The following UGT2B11 variants were observed in gnomAD, a reference collection of about 807,000 sequenced individuals.
The protein encoded by UGT2B11 is UDP glucuronosyltransferase family 2 member B11, also known as UDP-glucuronosyltransferase 2B11.
Under a neutral mutation model 51.7 loss-of-function variants are expected in UGT2B11, and 49 were observed. That is an observed-to-expected ratio of 0.95 (90% confidence interval 0.75 to 1.20). The LOEUF (loss-of-function observed/expected upper bound fraction) is 1.20, where lower values mean the gene tolerates loss of function less well. UGT2B11 is among the 50% of genes most tolerant of loss of function. UGT2B11 has a pLI of 0.00. For missense variants in UGT2B11, 810 were observed against 622.1 expected, an observed-to-expected ratio of 1.30 and a Z score of -3.21; for synonymous variants, 273 against 209.0, an observed-to-expected ratio of 1.31 and a Z score of -2.64.
intron 1 of UGT2B11, among the ~76,000 whole-genome samples, chr4:69,213,658 T>A (rs1351765215): frequency 6.6e-6 from 1 of 151,884 alleles, no homozygotes; most frequent in Non-Finnish European, 1.5e-5. Flanking sequence ...ATTCTATATC[T>A]ATGCATTCAG....
chr4:69,208,267 C>A, intron 3 of UGT2B11, 84 bp downstream of exon 3: 1 of 1,587,088 alleles, frequency 6.3e-7, no homozygotes, highest in Non-Finnish European at 8.5e-7. Flanking sequence ...GTTCACTCTA[C>A]TCTTAATATT....
At chr4:69,203,427 A>G (rs1721733211) in intron 5 of UGT2B11, among the ~76,000 whole-genome samples, 2 of 151,764 alleles carry the variant, frequency 1.3e-5, no homozygotes, top group Non-Finnish European at 2.9e-5. Context: ...TGCAACAAGT[A>G]CTTTGGAAAA....
chr4:69,217,140 C>A (rs1387159020), upstream of UGT2B11, among the ~76,000 whole-genome samples: 1 of 152,014 alleles, frequency 6.6e-6, no homozygotes, highest in Non-Finnish European at 1.5e-5. Flanking sequence ...TGAATATTTG[C>A]AGCATTCCTT....
rs770165802 is a variant in UGT2B11, at chr4:69,208,488, A to G, written c.871-6T>C. ...TGTACAAACTCCTCCATTTCCTGTGAAAAAAAAATTGTTTCATCACAAAAG... is the reference window on the plus strand; with the variant it reads ...TGTACAAACTCCTCCATTTCCTGTGGAAAAAAAATTGTTTCATCACAAAAG... On this transcript the variant is annotated splice_polypyrimidine_tract_variant and splice_region_variant and intron_variant, in intron 2 of 5. Coordinates refer to ENST00000446444, the MANE Select transcript of UGT2B11 (RefSeq NM_001073.3). 1.4e-5 allele frequency: 22 copies of G among 1,596,010 alleles called. No homozygotes were observed. Among genetic ancestry groups the G allele is most frequent in the South Asian group, 6.7e-5 (6 of 89,430 alleles).
chr4:69,209,439 G>T (rs1248312249), intron 2 of UGT2B11, among the ~76,000 whole-genome samples: 5 of 151,632 alleles, frequency 3.3e-5, no homozygotes, highest in African/African-American at 1.2e-4. Flanking sequence ...TACACTGCTG[G>T]TGAAGATGTG....
In UGT2B11 at chr4:69,200,319, T is replaced by A; in HGVS notation, c.*121A>T. The A allele has an allele frequency of 8.9e-7, 1 of 1,126,822 alleles. No homozygotes were observed. The highest frequency in any genetic ancestry group is 1.1e-6 in the Non-Finnish European group (1 of 901,192). The allele number at this position is 1,126,822 out of a possible 1,614,324, so 69.8% of individuals were successfully genotyped here. On this transcript the variant is annotated 3_prime_UTR_variant, in exon 6 of 6. Transcript: ENST00000446444. ...GACAAGGTAGATTTGAAAATTTTTT[T>A]TTTTTTTTTTTTTTTGTCACAGGAA...
chr4:69,219,843 G>A, the UGT2B11 span, among the ~76,000 whole-genome samples: 1 of 152,088 alleles, frequency 6.6e-6, no homozygotes, highest in Non-Finnish European at 1.5e-5. Context: ...TTCGGTGAGG[G>A]AACAGCCAAA....
chr4:69,214,373 C>T lies in UGT2B11; in HGVS notation c.350G>A (p.Trp117Ter), dbSNP rs1407936311. The change falls in exon 1 of 6, where the codon TGG becomes TAG. Residue 117 changes from tryptophan (W) to a stop codon, truncating the protein, a stop_gained. Transcript: ENST00000446444. LOFTEE classifies it high-confidence loss of function. Reference sequence around the variant, plus strand: ...GTTTCTAAATATGTCATATAATTCCCACAGGATTTCTTGTTCTTGTGAAAA... The same window carrying T: ...GTTTCTAAATATGTCATATAATTCCTACAGGATTTCTTGTTCTTGTGAAAA... ...LYFSQEQEIL[W>*]ELYDIFRNFC... 6.2e-7 allele frequency: 1 copy of T among 1,612,486 alleles called. No homozygotes were observed. The highest frequency in any genetic ancestry group is 1.3e-5 in the African/African-American group (1 of 74,728).
upstream of UGT2B11, among the ~76,000 whole-genome samples, chr4:69,219,271 C>T (rs1180202420): frequency 2.0e-5 from 3 of 152,010 alleles, no homozygotes; most frequent in African/African-American, 7.2e-5. Context: ...GATGTCCCTG[C>T]CCCATTTTTT....
the UGT2B11 span, among the ~76,000 whole-genome samples, chr4:69,220,302 C>T: frequency 1.8e-4 from 27 of 152,112 alleles, no homozygotes; most frequent in African/African-American, 2.9e-4. Flanking sequence ...CTCTTGGCTG[C>T]TTTCATGGGC....
chr4:69,203,193 T>G (rs1721722880), intron 5 of UGT2B11, among the ~76,000 whole-genome samples: 1 of 151,656 alleles, frequency 6.6e-6, no homozygotes, highest in Non-Finnish European at 1.5e-5. Context: ...GTTAAAAATG[T>G]TCCAAGCATT....
intron 3 of UGT2B11, among the ~76,000 whole-genome samples, chr4:69,206,133 C>T (rs1721846823): frequency 1.3e-5 from 2 of 151,102 alleles, no homozygotes; most frequent in Non-Finnish European, 1.5e-5. Context: ...GGTATATAAG[C>T]AAAGGACTAT....
Position 69,208,293 on chromosome 4 carries a change from A to G in UGT2B11, c.1002+58T>C. 4 of 1,600,842 alleles carry G rather than the reference A, an allele frequency of 2.5e-6. No homozygotes were observed. The South Asian group carries it at 3.3e-5, about 13-fold the overall frequency. ...TCTTAATATTCTTTCTATGTAGATC[A>G]CAAACATTAACAGCCTCTTTCAGCA... On this transcript the variant is annotated intron_variant, in intron 3 of 5. Transcript: ENST00000446444.
the UGT2B11 span, among the ~76,000 whole-genome samples, chr4:69,223,380 G>T: frequency 2.0e-5 from 3 of 152,178 alleles, no homozygotes; most frequent in African/African-American, 7.2e-5. Context: ...AGGCCCAGAT[G>T]TGCTCAAAGC....
Position 69,208,367 on chromosome 4 carries a change from G to T in UGT2B11, c.986C>A (p.Ala329Asp), listed in dbSNP as rs763832206. 1.9e-6 allele frequency: 3 copies of T among 1,610,838 alleles called. No individual in the cohort carries two copies. The highest frequency in any genetic ancestry group is 1.7e-4 in the Middle Eastern group (1 of 5,984). The change falls in exon 3 of 6, where the codon GCC becomes GAC. Residue 329 changes from alanine (A) to aspartate (D), a missense_variant. Ala to Asp is a moderately radical substitution (Grantham distance 126). Transcript: ENST00000446444. Reference sequence around the variant, plus strand: ...TTATCTTACCTTTTGTGGGATCTTGGCAAGGGCTGTTGCAATTACATTGGC... The same window carrying T: ...TTATCTTACCTTTTGTGGGATCTTGTCAAGGGCTGTTGCAATTACATTGGC... ...ERANVIATAL[A>D]KIPQKVLWRF...
intron 1 of UGT2B11, 72 bp downstream of exon 1, chr4:69,213,930 G>A: frequency 2.0e-6 from 3 of 1,476,254 alleles, no homozygotes; most frequent in South Asian, 3.1e-5. Flanking sequence ...TGACTTTATG[G>A]CTTTATAAAA....
chr4:69,218,882 TG>T (rs775299180), upstream of UGT2B11, among the ~76,000 whole-genome samples: 106 of 152,260 alleles, frequency 7.0e-4, no homozygotes, highest in Non-Finnish European at 1.4e-3. Context: ...GTGCAATTTC[TG>T]GGAGACCCCT....
At position 69,200,326 on chromosome 4, in the gene UGT2B11, T is replaced by TTTTTTTTTTTTTTTG. The variant is rs1721601827; in HGVS notation, c.*113_*114insCAAAAAAAAAAAAAA. 1 of 1,163,822 alleles carries TTTTTTTTTTTTTTTG rather than the reference T, an allele frequency of 8.6e-7. No homozygotes were observed. 72.1% of individuals were successfully genotyped at this position (1,163,822 alleles called of 1,614,324 possible). A position where few individuals can be genotyped will look rare whatever the true frequency, so the allele number is the denominator to read the frequency against. On this transcript the variant is annotated 3_prime_UTR_variant, in exon 6 of 6. Transcript: ENST00000446444. ...TAGATTTGAAAATTTTTTTTTTTTT[T>TTTTTTTTTTTTTTTG]TTTTTTTTGTCACAGGAAGAAAGAA...
the UGT2B11 span, among the ~76,000 whole-genome samples, chr4:69,221,031 A>G: frequency 6.6e-6 from 1 of 152,184 alleles, no homozygotes; most frequent in Non-Finnish European, 1.5e-5. Flanking sequence ...GGCTCCTACA[A>G]TAAAAGGGAC....
Sources: allele counts gnomAD v4.1 joint callset (sites outside exome capture counted in the v4.1 genomes callset), GRCh38; gene constraint gnomAD v4.1.1; transcripts MANE v1.5; gene names NCBI Gene and HGNC (gene_info 2026-07-23, HGNC 2026-07-21).